ACTG2: variants seen among roughly 807,000 people sequenced by gnomAD.
The protein encoded by ACTG2 is actin gamma 2, smooth muscle, also known as actin, gamma-enteric smooth muscle.
A neutral mutation model predicts 37.6 loss-of-function variants in ACTG2; 16 were observed. The ratio of observed to expected loss-of-function variants is 0.43; its 90% CI spans 0.29 to 0.65. The LOEUF (loss-of-function observed/expected upper bound fraction) is 0.65, where lower values mean the gene tolerates loss of function less well. ACTG2 is among the 30% of genes least tolerant of loss of function. The probability of loss-of-function intolerance (pLI) is 0.18; values close to 1 mark genes in which losing one functional copy is unlikely to be tolerated. For missense variants in ACTG2, 238 were observed against 490.9 expected, an observed-to-expected ratio of 0.48 and a Z score of 4.87; for synonymous variants, 181 against 179.9, an observed-to-expected ratio of 1.01 and a Z score of -0.05.
At chr2:73,900,761 ACTT>A (rs1679855605) in intron 1 of ACTG2, among the ~76,000 whole-genome samples, 1 of 152,184 alleles carries the variant, frequency 6.6e-6, no homozygotes, top group Non-Finnish European at 1.5e-5. Context: ...ATAACCCAGC[ACTT>A]CTTCTCCCAG....
intron 5 of ACTG2, among the ~76,000 whole-genome samples, chr2:73,911,321 C>T (rs1232186483): frequency 6.6e-6 from 1 of 151,748 alleles, no homozygotes; most frequent in East Asian, 1.9e-4. Context: ...ATGGCTACAA[C>T]CTATCTCTAC....
rs375675581 is a variant in ACTG2, at chr2:73,901,328, C to G, written c.17C>G (p.Thr6Ser). 1.9e-6 allele frequency: 3 copies of G among 1,610,060 alleles called. No individual in the cohort carries two copies. Among genetic ancestry groups the G allele is most frequent in the Non-Finnish European group, 2.5e-6 (3 of 1,177,444 alleles). MCEEETTALVCDNGSG... is the reference protein window; with the variant it reads MCEEESTALVCDNGSG... Reference sequence around the variant, plus strand: ...ACACACACCATGTGTGAAGAGGAGACCACCGCGCTCGTGTGTGACAATGGC... The same window carrying G: ...ACACACACCATGTGTGAAGAGGAGAGCACCGCGCTCGTGTGTGACAATGGC... The change falls in exon 2 of 9, where the codon ACC becomes AGC. Residue 6 changes from threonine to serine, a missense_variant. Physicochemically the swap from Thr to Ser is moderately conservative, Grantham distance 58 (BLOSUM62 1). Coordinates refer to ENST00000345517, the MANE Select transcript of ACTG2 (RefSeq NM_001615.4).
At position 73,914,876 on chromosome 2, in the gene ACTG2, G is replaced by T; in HGVS notation, c.805+5G>T. On this transcript the variant is annotated splice_donor_5th_base_variant and intron_variant, in intron 7 of 8. Coordinates refer to ENST00000345517, the MANE Select transcript of ACTG2 (RefSeq NM_001615.4). ...TCTTCCAGCCTTCCTTTATTGGTGA[G>T]GTGCTGCCCACAGTCCCTGCCAATC... The T allele has an allele frequency of 6.4e-7, 1 of 1,564,660 alleles. No individual in the cohort carries two copies. Among genetic ancestry groups the T allele is most frequent in the Non-Finnish European group, 8.7e-7 (1 of 1,148,540 alleles).
At chr2:73,916,553 C>T (rs1467513053) in intron 7 of ACTG2, 31 bp from the exon 8 acceptor site, 9 of 1,588,912 alleles carry the variant, frequency 5.7e-6, no homozygotes, top group Non-Finnish European at 6.9e-6. Context: ...GGAAGTGATG[C>T]CTGTTGACCA....
At chr2:73,906,175 G>A (rs1680010655) in intron 3 of ACTG2, among the ~76,000 whole-genome samples, 1 of 151,992 alleles carries the variant, frequency 6.6e-6, no homozygotes. Context: ...ATTTTGGCCG[G>A]GCGCGGTGGC....
At position 73,904,767 on chromosome 2, in the gene ACTG2, GTGTGTGTGTGTATATATATATATA is replaced by G. The variant is rs1277709244; in HGVS notation, c.255+2281_255+2304del. ...TGTGTGTGTGTGTGTGTGTGTGTGT[GTGTGTGTGTGTATATATATATATA>G]TATATATATATATATATATATATAA... On this transcript the variant is annotated intron_variant, in intron 3 of 8. Transcript: ENST00000345517. Among the ~76,000 whole-genome samples, 330 of 88,936 alleles carry G rather than the reference GTGTGTGTGTGTATATATATATATA, an allele frequency of 3.7e-3. 2 individuals are homozygous for G. Among genetic ancestry groups the G allele is most frequent in the African/African-American group, 0.017 (304 of 18,056 alleles). The allele number at this position is 88,936 out of a possible 152,430, so 58.3% of individuals were successfully genotyped here.
intron 1 of ACTG2, chr2:73,896,798 C>G (rs1443164517): frequency 1.3e-5 from 2 of 152,094 alleles, no homozygotes; most frequent in African/African-American, 4.8e-5. Context: ...TCAATGAAGC[C>G]CAGATGTCAT....
At chr2:73,915,489 C>T (rs1680244291) in intron 7 of ACTG2, among the ~76,000 whole-genome samples, 2 of 144,346 alleles carry the variant, frequency 1.4e-5, no homozygotes, top group Non-Finnish European at 3.0e-5. Context: ...CACTGCACTC[C>T]AGCCTGGGCA....
Position 73,909,144 on chromosome 2 carries a change from G to T in ACTG2, c.451+5G>T. On this transcript the variant is annotated splice_donor_5th_base_variant and intron_variant, in intron 5 of 8. Transcript: ENST00000345517. ...ATGCCTCTGGCCGCACGACAGGTGAGTAATCCTGTAATCCATTCCTTTTCT... is the reference window on the plus strand; with the variant it reads ...ATGCCTCTGGCCGCACGACAGGTGATTAATCCTGTAATCCATTCCTTTTCT... The T allele has an allele frequency of 6.2e-7, 1 of 1,606,388 alleles. No individual in the cohort carries two copies. Among genetic ancestry groups the T allele is most frequent in the Non-Finnish European group, 8.5e-7 (1 of 1,172,920 alleles).
chr2:73,904,777 G>GTGTGTGTATATATATATATA (rs1427483105), intron 3 of ACTG2, among the ~76,000 whole-genome samples: 3 of 42,628 alleles, frequency 7.0e-5, no homozygotes, highest in Non-Finnish European at 9.5e-5. Flanking sequence ...GTGTGTGTGT[G>GTGTGTGTATATATATATATA]TATATATATA....
At chr2:73,904,777 G>GTGTGTGTATA (rs1427483105) in intron 3 of ACTG2, among the ~76,000 whole-genome samples, 5 of 42,632 alleles carry the variant, frequency 1.2e-4, no homozygotes, top group Non-Finnish European at 2.4e-4. Flanking sequence ...GTGTGTGTGT[G>GTGTGTGTATA]TATATATATA....
In ACTG2 at chr2:73,898,802, CTTTT is replaced by C. The variant is rs1165118275; in HGVS notation, c.-36-2459_-36-2456del. ...TTCTTTTTTCTTTTCTTTTTTTTTT[CTTTT>C]TTTTTTTTTTTTTTGAGATGGAGTC... On this transcript the variant is annotated intron_variant, in intron 1 of 8. Coordinates refer to ENST00000345517, the MANE Select transcript of ACTG2 (RefSeq NM_001615.4). 1.1e-3 allele frequency among the ~76,000 whole-genome samples: 98 copies of C among 93,044 alleles called. 2 individuals carry two copies. In the South Asian group the frequency reaches 0.022, roughly 21 times the overall value. The allele number at this position is 93,044 out of a possible 152,430, so 61.0% of individuals were successfully genotyped here. A position where few individuals can be genotyped will look rare whatever the true frequency, so the allele number is the denominator to read the frequency against.
In ACTG2 at chr2:73,903,939, C is replaced by CA. The variant is rs61362643; in HGVS notation, c.255+1471dup. Among the ~76,000 whole-genome samples, 484 of 89,962 alleles carry CA rather than the reference C, an allele frequency of 5.4e-3. 4 individuals are homozygous for CA. The highest frequency in any genetic ancestry group is 0.021 in the East Asian group (57 of 2,680). The allele number at this position is 89,962 out of a possible 152,430, so 59.0% of individuals were successfully genotyped here. ...TGGGTGACAGAGTGAGACTCCGTCT[C>CA]AAAAAAAAAAAAAAAAAAAACAAAA... is the stretch of plus-strand genomic sequence containing the variant. On this transcript the variant is annotated intron_variant, in intron 3 of 8. Transcript: ENST00000345517.
intron 3 of ACTG2, among the ~76,000 whole-genome samples, chr2:73,904,773 GTGTGTATATATATA>G (rs1453108413): frequency 7.0e-4 from 14 of 20,096 alleles, no homozygotes; most frequent in Admixed American, 2.7e-3. Context: ...GTGTGTGTGT[GTGTGTATATATATA>G]TATATATATA....
intron 8 of ACTG2, among the ~76,000 whole-genome samples, chr2:73,918,074 C>T (rs1408501775): frequency 2.0e-5 from 3 of 152,184 alleles, no homozygotes; most frequent in African/African-American, 4.8e-5. Context: ...AATTAGTAAA[C>T]ATTATCAATA....
chr2:73,902,324 G>A (rs1189036483), intron 2 of ACTG2, 36 bp from the exon 3 acceptor site: 1 of 1,609,656 alleles, frequency 6.2e-7, no homozygotes, highest in Non-Finnish European at 8.5e-7. Flanking sequence ...GGAGCCCTCA[G>A]CCATTCATTT....
chr2:73,902,901 A>T, intron 3 of ACTG2: 1 of 909,112 alleles, frequency 1.1e-6, no homozygotes, highest in East Asian at 2.7e-5. Context: ...TTCCTGCAAT[A>T]TTTACTCAGG....
chr2:73,901,369 G>A lies in ACTG2; in HGVS notation c.58G>A (p.Ala20Thr). The part of the protein sequence containing the change: ...VCDNGSGLCK[A>T]GFAGDDAPRA... The stretch of plus-strand genomic sequence containing the variant: ...TGACAATGGCTCTGGCCTGTGCAAG[G>A]CAGGCTTCGCAGGAGATGATGCCCC... Residue 20 changes from alanine to threonine, a missense_variant, in exon 2 of 9, where the codon GCA (alanine) becomes ACA (threonine). Transcript: ENST00000345517. The A allele has an allele frequency of 6.2e-7, 1 of 1,614,192 alleles. No homozygotes were observed.
At chr2:73,919,363 T>C in intron 8 of ACTG2, 69 bp from the exon 9 acceptor site, 1 of 1,542,488 alleles carries the variant, frequency 6.5e-7, no homozygotes, top group Non-Finnish European at 8.8e-7. Flanking sequence ...CTGGGATAAG[T>C]AGATTTTTGG....
Sources: gnomAD v4.1 joint callset for allele counts (sites outside exome capture counted in the v4.1 genomes callset) on GRCh38, gnomAD v4.1.1 for gene constraint, MANE v1.5 for transcripts, NCBI Gene and HGNC (gene_info 2026-07-23, HGNC 2026-07-21) for gene names.